Variants in STAU1 observed in about 807,000 individuals in gnomAD.
STAU1 encodes the protein staufen double-stranded RNA binding protein 1.
A neutral mutation model predicts 62.9 loss-of-function variants in STAU1; 13 were observed. That is an observed-to-expected ratio of 0.21 (90% CI 0.13 to 0.33). STAU1 has a LOEUF of 0.33. Ranked by LOEUF, STAU1 falls within the 10% of genes least tolerant of loss-of-function variation. The pLI, the probability that STAU1 is intolerant of heterozygous loss-of-function variation, is 1.00. For missense variants in STAU1, 571 were observed against 712.1 expected (o/e 0.80, Z 2.25); for synonymous variants, 269 against 265.1 (o/e 1.01, Z -0.14).
the STAU1 span, among the ~76,000 whole-genome samples, chr20:49,218,033 C>A: frequency 6.7e-6 from 1 of 150,328 alleles, no homozygotes; most frequent in African/African-American, 2.4e-5. Context: ...ACCACCATGC[C>A]CGGCTAATTT....
rs1356911745 is a variant in STAU1, at chr20:49,142,549, T to TCA, written c.511-6620_511-6619dup. Among the ~76,000 whole-genome samples the TCA allele has an allele frequency of 1.4e-4, 22 of 152,228 alleles. No individual in the cohort carries two copies. In the East Asian group the frequency reaches 3.5e-3, roughly 24 times the overall value. ...GTTCTCAACCACAGCAGCACTACAA[T>TCA]CACTTGGGAGCTTCACAAGTTCAGA... On this transcript the variant is annotated intron_variant, in intron 5 of 13. Transcript: ENST00000371856.
At position 49,119,951 on chromosome 20, in the gene STAU1, A is replaced by G. The variant is rs1006555599; in HGVS notation, c.1113+31T>C. The G allele has an allele frequency of 1.0e-5, 16 of 1,606,380 alleles. No homozygotes were observed. The African/African-American group carries it at 2.0e-4, about 20-fold the overall frequency. ...GTTCCCTAGGGTGAGGCGAGAGACC[A>G]TCTTGCAATCAGAGAGCCCACAGCA... On this transcript the variant is annotated intron_variant, in intron 9 of 13. Coordinates refer to ENST00000371856, the MANE Select transcript of STAU1 (RefSeq NM_017453.4).
At chr20:49,206,159 T>C in the STAU1 span, among the ~76,000 whole-genome samples, 4 of 150,632 alleles carry the variant, frequency 2.7e-5, no homozygotes, top group South Asian at 8.4e-4. Flanking sequence ...ATTTTTTTTT[T>C]TTTTTTGTAT....
chr20:49,175,749 A>T (rs1428662166), intron 1 of STAU1, among the ~76,000 whole-genome samples: 2 of 148,966 alleles, frequency 1.3e-5, no homozygotes, highest in Non-Finnish European at 3.0e-5. Context: ...TCAGCCTCCC[A>T]AAGTGCTGGG....
chr20:49,210,232 G>T, the STAU1 span, among the ~76,000 whole-genome samples: 2 of 151,990 alleles, frequency 1.3e-5, no homozygotes, highest in African/African-American at 4.8e-5. Flanking sequence ...AGTTCCTTTT[G>T]CATAGTTTTC....
At chr20:49,205,883 A>G in the STAU1 span, among the ~76,000 whole-genome samples, 2 of 150,930 alleles carry the variant, frequency 1.3e-5, no homozygotes, top group African/African-American at 4.9e-5. Flanking sequence ...CATGTTGGTC[A>G]GGCTGGTCTC....
the STAU1 span, among the ~76,000 whole-genome samples, chr20:49,205,350 A>G: frequency 2.8e-5 from 4 of 143,188 alleles, no homozygotes; most frequent in Non-Finnish European, 6.0e-5. Flanking sequence ...GATAATTTCT[A>G]TGCTTTATGA....
At chr20:49,199,543 C>CTTTATT in the STAU1 span, among the ~76,000 whole-genome samples, 1 of 150,336 alleles carries the variant, frequency 6.7e-6, no homozygotes, top group African/African-American at 2.4e-5. Context: ...TTATTTTATT[C>CTTTATT]TTTATTTTTA....
intron 5 of STAU1, among the ~76,000 whole-genome samples, chr20:49,138,752 A>G (rs1461044301): frequency 6.6e-6 from 1 of 151,416 alleles, no homozygotes; most frequent in East Asian, 1.9e-4. Context: ...TCCCACCTCA[A>G]CCTCCCAAAG....
chr20:49,125,198 CAAAAAAAAA>C (rs1171534142), intron 6 of STAU1, among the ~76,000 whole-genome samples: 38 of 33,736 alleles, frequency 1.1e-3, no homozygotes, highest in Non-Finnish European at 1.8e-3. Context: ...CTCATTTTTG[CAAAAAAAAA>C]AAAAAAAAAA....
At chr20:49,192,142 C>T (rs1028310372), upstream of STAU1, among the ~76,000 whole-genome samples, 10 of 151,518 alleles carry the variant, frequency 6.6e-5, no homozygotes, top group East Asian at 1.4e-3. Flanking sequence ...GTCAGGAGAT[C>T]GAGACCATCC....
At chr20:49,196,440 A>C in the STAU1 span, among the ~76,000 whole-genome samples, 1 of 129,566 alleles carries the variant, frequency 7.7e-6, no homozygotes, top group Non-Finnish European at 1.6e-5. Context: ...GTCTCAAAAC[A>C]AAACAAAAAA....
At chr20:49,121,371 G>A (rs1181688338) in intron 8 of STAU1, among the ~76,000 whole-genome samples, 3 of 152,114 alleles carry the variant, frequency 2.0e-5, no homozygotes, top group African/African-American at 4.8e-5. Context: ...TCACACCACT[G>A]CCCTGCAGCC....
the STAU1 span, among the ~76,000 whole-genome samples, chr20:49,215,123 A>C: frequency 2.6e-5 from 4 of 152,292 alleles, no homozygotes; most frequent in Non-Finnish European, 5.9e-5. Flanking sequence ...CTGGCCCAAG[A>C]TGGGAATGAG....
the STAU1 span, among the ~76,000 whole-genome samples, chr20:49,195,535 C>CAAAAAAAAAAAAAA: frequency 1.6e-3 from 60 of 38,146 alleles, no homozygotes; most frequent in East Asian, 7.9e-3. Context: ...GACTCCGTCT[C>CAAAAAAAAAAAAAA]AAAAAAAAAA....
At chr20:49,208,813 G>A in the STAU1 span, among the ~76,000 whole-genome samples, 1 of 151,074 alleles carries the variant, frequency 6.6e-6, no homozygotes, top group African/African-American at 2.4e-5. Flanking sequence ...TAATGGAGAC[G>A]GGGTTTCAAC....
chr20:49,124,519 C>G lies in STAU1; in HGVS notation c.678G>C (p.Val226=), dbSNP rs142606714. 1,378 of 1,614,140 alleles carry G rather than the reference C, an allele frequency of 8.5e-4. 1 individual carries two copies. Among genetic ancestry groups the G allele is most frequent in the South Asian group, 2.5e-3 (224 of 91,084 alleles). ...TCTTGCTTTTCCCTTCACCTTCCCCCACAAACTCCCCAACCGAAACCTTGG... is the reference window on the plus strand; with the variant it reads ...TCTTGCTTTTCCCTTCACCTTCCCCGACAAACTCCCCAACCGAAACCTTGG... ...FVTKVSVGEF[V]GEGEGKSKKI... The change falls in exon 7 of 14, where the codon GTG becomes GTC. Residue 226 remains valine, a synonymous_variant. Transcript: ENST00000371856.
Position 49,117,670 on chromosome 20 carries a change from G to T in STAU1, c.1509+107C>A. 2 of 1,217,002 alleles carry T rather than the reference G, an allele frequency of 1.6e-6. No individual in the cohort carries two copies. The highest frequency in any genetic ancestry group is 2.3e-6 in the Non-Finnish European group (2 of 888,486). The allele number at this position is 1,217,002 out of a possible 1,614,324, so 75.4% of individuals were successfully genotyped here. On this transcript the variant is annotated intron_variant, in intron 11 of 13. Transcript: ENST00000371856. This position sits in a 1 kb window ranked among gnomAD's most constrained non-coding sequence, Gnocchi z 4.6. ...CTGCTCCCCAGCCCATCCCTGGACA[G>T]AACTTGATTTAAGAAAAAAGTACAA...
Position 49,133,011 on chromosome 20 carries a change from A to T in STAU1, c.609+2822T>A, listed in dbSNP as rs116607727. ...ACATAATAATGCAAGCTAGTAAAAAATTCCTGATATTTGAGTTAATGAATA... is the reference window on the plus strand; with the variant it reads ...ACATAATAATGCAAGCTAGTAAAAATTTCCTGATATTTGAGTTAATGAATA... On this transcript the variant is annotated intron_variant, in intron 6 of 13. Transcript: ENST00000371856. 6.8e-3 allele frequency among the ~76,000 whole-genome samples: 1,038 copies of T among 152,310 alleles called. 12 individuals are homozygous for T. The highest frequency in any genetic ancestry group is 0.023 in the African/African-American group (964 of 41,564).
Sources: allele counts gnomAD v4.1 joint callset (sites outside exome capture counted in the v4.1 genomes callset), GRCh38; gene constraint gnomAD v4.1.1; non-coding constraint Gnocchi (gnomAD v3.1); transcripts MANE v1.5; gene names NCBI Gene and HGNC (gene_info 2026-07-23, HGNC 2026-07-21).